COL27A1: variants seen among roughly 807,000 people sequenced by gnomAD.
The protein encoded by COL27A1 is collagen alpha-1(XXVII) chain.
A neutral mutation model predicts 251.3 loss-of-function variants in COL27A1; 106 were observed. That is an observed-to-expected ratio of 0.42 (90% CI 0.36 to 0.50). The LOEUF (loss-of-function observed/expected upper bound fraction) is 0.50. Ranked by LOEUF, COL27A1 falls within the 20% of genes least tolerant of loss-of-function variation. The pLI is 0.00. For synonymous variants in COL27A1, 1,000 were observed against 986.3 expected, an observed-to-expected ratio of 1.01 and a Z score of -0.26; for missense variants, 2,325 against 2,522.8, an observed-to-expected ratio of 0.92 and a Z score of 1.68.
intron 48 of COL27A1, 48 bp from the exon 49 acceptor site, chr9:114,292,055 A>G: frequency 1.3e-6 from 2 of 1,505,624 alleles, no homozygotes; most frequent in East Asian, 2.5e-5. Flanking sequence ...CTCCTGCCTT[A>G]GAACCCCTTC....
intron 1 of COL27A1, 90 bp downstream of exon 1, chr9:114,156,102 C>T (rs1366651956): frequency 1.9e-5 from 25 of 1,285,992 alleles, no homozygotes; most frequent in Non-Finnish European, 2.3e-5. Context: ...CGGTCGCTTC[C>T]AGCGGAACGT....
At chr9:114,289,364 C>A (rs984327625) in intron 45 of COL27A1, 69 bp downstream of exon 45, 46 of 1,442,828 alleles carry the variant, frequency 3.2e-5, no homozygotes, top group Non-Finnish European at 4.3e-5. Flanking sequence ...CACAGTCACA[C>A]AGCAAACCAA....
rs1380503649 is a variant in COL27A1, at chr9:114,167,876, C to G, written c.321C>G (p.His107Gln). ...ELALVLSLCS[H>Q]RVNHAFLFAV... is the part of the protein sequence containing the mutation. ...CACTGGTGCTGAGCCTCTGCTCCCA[C>G]CGGGTGAACCATGCCTTCCTCTTCG... Residue 107 changes from histidine to glutamine, a missense_variant, in exon 3 of 61, where the codon CAC becomes CAG. This residue lies in a region of COL27A1 where 1,183 missense variants were observed against 1,144.1 expected (regional missense o/e 1.03). Coordinates refer to ENST00000356083, the MANE Select transcript of COL27A1 (RefSeq NM_032888.4). 49 of 1,613,372 alleles carry G rather than the reference C, an allele frequency of 3.0e-5. No homozygotes were observed. Among genetic ancestry groups the G allele is most frequent in the Non-Finnish European group, 4.2e-5 (49 of 1,179,988 alleles).
chr9:114,228,413 C>T (rs897539625), intron 14 of COL27A1, among the ~76,000 whole-genome samples: 5 of 152,338 alleles, frequency 3.3e-5, no homozygotes, highest in East Asian at 1.9e-4. Context: ...TGGCTGCCTT[C>T]GTCCAGGAAA....
intron 49 of COL27A1, among the ~76,000 whole-genome samples, chr9:114,298,664 G>A (rs1241733973): frequency 2.0e-5 from 3 of 152,116 alleles, no homozygotes; most frequent in African/African-American, 7.2e-5. Context: ...ATGAAGTATA[G>A]ACCAATGTAA....
In COL27A1 at chr9:114,204,538, A is replaced by G. The variant is rs182322292; in HGVS notation, c.2125-564A>G. 4.9e-4 allele frequency among the ~76,000 whole-genome samples: 75 copies of G among 152,264 alleles called. 3 individuals carry two copies. The East Asian group carries it at 0.014, about 27-fold the overall frequency. On this transcript the variant is annotated intron_variant, in intron 7 of 60. Transcript: ENST00000356083. ...CTTCTCATCAGTATCTGGATGGCCT[A>G]TCCCTCCCTGGAATAGGAGCTGGGG... is the stretch of plus-strand genomic sequence containing the variant.
chr9:114,287,504 C>T (rs1319749929), intron 41 of COL27A1, among the ~76,000 whole-genome samples: 1 of 151,260 alleles, frequency 6.6e-6, no homozygotes, highest in Non-Finnish European at 1.5e-5. Flanking sequence ...CTCTGTTCCG[C>T]CCCCCCCACC....
intron 49 of COL27A1, 40 bp from the exon 50 acceptor site, chr9:114,300,030 A>T: frequency 6.2e-7 from 1 of 1,610,436 alleles, no homozygotes; most frequent in Non-Finnish European, 8.5e-7. Flanking sequence ...CACGCTGACC[A>T]TGAGCTCACT....
intron 7 of COL27A1, among the ~76,000 whole-genome samples, chr9:114,199,251 C>T (rs1829405900): frequency 6.6e-6 from 1 of 152,160 alleles, no homozygotes; most frequent in Non-Finnish European, 1.5e-5. Flanking sequence ...TTACCTACAA[C>T]TGGGAGGGAG....
At chr9:114,276,274 T>G (rs971489976) in intron 37 of COL27A1, among the ~76,000 whole-genome samples, 2 of 152,230 alleles carry the variant, frequency 1.3e-5, no homozygotes, top group African/African-American at 4.8e-5. Context: ...CTTGGCTCCA[T>G]GAAGACCAAG....
chr9:114,302,253 G>A (rs1377144836), intron 56 of COL27A1, 145 bp downstream of exon 56: 1 of 695,848 alleles, frequency 1.4e-6, no homozygotes, highest in African/African-American at 1.8e-5. Context: ...CTTCATACTG[G>A]AGACTTGGAC....
chr9:114,198,328 A>G (rs1356977940), intron 7 of COL27A1, among the ~76,000 whole-genome samples: 2 of 152,236 alleles, frequency 1.3e-5, no homozygotes, highest in South Asian at 2.1e-4. Context: ...AACAGTAAAA[A>G]TAAAAGGTAC....
intron 14 of COL27A1, among the ~76,000 whole-genome samples, chr9:114,226,905 A>G (rs1002127643): frequency 1.7e-4 from 26 of 152,308 alleles, no homozygotes; most frequent in Admixed American, 2.0e-4. Context: ...GGTCAGTGTC[A>G]GAAGGGCCCT....
intron 13 of COL27A1, among the ~76,000 whole-genome samples, chr9:114,221,417 G>A (rs1831104084): frequency 6.6e-6 from 1 of 152,192 alleles, no homozygotes; most frequent in Admixed American, 6.5e-5. Context: ...TCTTTATGCT[G>A]CTGGCATAGA....
intron 14 of COL27A1, among the ~76,000 whole-genome samples, chr9:114,226,029 C>A (rs1038136185): frequency 6.6e-6 from 1 of 152,152 alleles, no homozygotes; most frequent in Non-Finnish European, 1.5e-5. Flanking sequence ...AGAGGGCCTC[C>A]ACACAGCCCT....
At chr9:114,195,296 T>A (rs1829040822) in intron 6 of COL27A1, among the ~76,000 whole-genome samples, 1 of 152,120 alleles carries the variant, frequency 6.6e-6, no homozygotes, top group Non-Finnish European at 1.5e-5. Flanking sequence ...CTGCTAGGTG[T>A]TTGCACTTAG....
intron 2 of COL27A1, among the ~76,000 whole-genome samples, chr9:114,167,085 G>C (rs1422500825): frequency 6.6e-6 from 1 of 152,198 alleles, no homozygotes; most frequent in Non-Finnish European, 1.5e-5. Flanking sequence ...TCTTTACCAA[G>C]CTCTGGTGAC....
chr9:114,276,211 C>A (rs1176451468), intron 37 of COL27A1, among the ~76,000 whole-genome samples: 1 of 152,236 alleles, frequency 6.6e-6, no homozygotes, highest in East Asian at 1.9e-4. Flanking sequence ...GCCATTCCTG[C>A]CCCCAGGCTG....
intron 2 of COL27A1, among the ~76,000 whole-genome samples, chr9:114,166,353 A>G (rs1479185212): frequency 1.3e-5 from 2 of 148,758 alleles, no homozygotes; most frequent in Non-Finnish European, 3.0e-5. Context: ...TCATGCATCC[A>G]TGTATCCATC....
Sources: gnomAD v4.1 joint callset for allele counts (sites outside exome capture counted in the v4.1 genomes callset) on GRCh38, gnomAD v4.1.1 for gene constraint, gnomAD v4.1.1 regional missense constraint, MANE v1.5 for transcripts, NCBI Gene and HGNC (gene_info 2026-07-23, HGNC 2026-07-21) for gene names.